TMEM63C: variants seen among roughly 807,000 people sequenced by gnomAD.
TMEM63C encodes the protein transmembrane protein 63C.
TMEM63C carries 32 observed loss-of-function variants against 99.2 expected under a neutral mutation model. The ratio of observed to expected loss-of-function variants is 0.32; its 90% CI spans 0.24 to 0.43. The LOEUF is 0.43. Among genes scored for constraint, TMEM63C ranks in the 20% least tolerant of loss-of-function variants. TMEM63C has a pLI of 1.00. For missense variants in TMEM63C, 826 were observed against 1,053.0 expected, an observed-to-expected ratio of 0.78 and a Z score of 2.98; for synonymous variants, 376 against 397.9, an observed-to-expected ratio of 0.94 and a Z score of 0.66.
At chr14:77,222,263 A>G (rs1232025586) in intron 5 of TMEM63C, among the ~76,000 whole-genome samples, 1 of 152,036 alleles carries the variant, frequency 6.6e-6, no homozygotes, top group African/African-American at 2.4e-5. Context: ...CATTCTCCCC[A>G]GGGTCTCCTC....
intron 1 of TMEM63C, among the ~76,000 whole-genome samples, chr14:77,191,538 C>CTTTTTTTTT (rs71125542): frequency 9.7e-4 from 80 of 82,606 alleles, no homozygotes; most frequent in East Asian, 1.6e-3. Flanking sequence ...TTTTCTTTTT[C>CTTTTTTTTT]TTTTTTTTTT....
At chr14:77,253,627 G>A (rs995908247) in intron 23 of TMEM63C, among the ~76,000 whole-genome samples, 11 of 152,374 alleles carry the variant, frequency 7.2e-5, no homozygotes, top group African/African-American at 2.2e-4. Flanking sequence ...GGCACCTAGA[G>A]AGGAAGTACT....
Position 77,249,221 on chromosome 14 carries a change from G to A in TMEM63C, c.1871-70G>A. On this transcript the variant is annotated intron_variant, in intron 20 of 23. Coordinates refer to ENST00000298351, the MANE Select transcript of TMEM63C (RefSeq NM_020431.4). ...CGTGGATCTGGCTTCTCAGGCCTGT[G>A]GAGACACTGGAGCCACAAAGGTCCA... 3.3e-6 allele frequency: 5 copies of A among 1,520,526 alleles called. 1 individual carries two copies. In the Admixed American group the frequency reaches 8.5e-5, roughly 26 times the overall value. The allele number at this position is 1,520,526 out of a possible 1,614,324, so 94.2% of individuals were successfully genotyped here.
intron 17 of TMEM63C, 55 bp from the exon 18 acceptor site, chr14:77,246,553 TC>T: frequency 6.7e-7 from 1 of 1,503,296 alleles, no homozygotes; most frequent in Non-Finnish European, 9.2e-7. Context: ...GGTTGAACCC[TC>T]AGCCTTAGCT....
At chr14:77,236,487 T>C (rs1275733586) in intron 8 of TMEM63C, 137 bp from the exon 9 acceptor site, 38 of 519,814 alleles carry the variant, frequency 7.3e-5, no homozygotes, top group Middle Eastern at 1.0e-3. Context: ...CTTGGATGGT[T>C]GTGGGGGTCT....
chr14:77,231,144 A>G (rs1318181401), intron 6 of TMEM63C, among the ~76,000 whole-genome samples: 1 of 152,176 alleles, frequency 6.6e-6, no homozygotes, highest in African/African-American at 2.4e-5. Context: ...AACTTTGGCA[A>G]ATCTGGCAGT....
Position 77,231,673 on chromosome 14 carries a change from A to T in TMEM63C, c.436A>T (p.Ile146Phe), listed in dbSNP as rs1888946201. ...CCACCTCATCATCTTTGTGCTCATC[A>T]TCTGTATCCCCTCCCTGGGCATCAT... ...QYHLIIFVLIICIPSLGIILP... is the reference protein window; with the variant it reads ...QYHLIIFVLIFCIPSLGIILP... Residue 146 changes from isoleucine (I) to phenylalanine (F), a missense_variant, in exon 7 of 24, where the codon ATC becomes TTC. Ile to Phe is a conservative substitution (Grantham distance 21). Transcript: ENST00000298351. 6.4e-7 allele frequency: 1 copy of T among 1,551,550 alleles called. No homozygotes were observed. Among genetic ancestry groups the T allele is most frequent in the Non-Finnish European group, 8.7e-7 (1 of 1,147,006 alleles).
At position 77,256,512 on chromosome 14, in the gene TMEM63C, T is replaced by G. The variant is rs368170155; in HGVS notation, c.2221-14T>G. 6.2e-7 allele frequency: 1 copy of G among 1,613,788 alleles called. No individual in the cohort carries two copies. Reference sequence around the variant, plus strand: ...CGTGACCTTGCTCCTGTCCCCTGTCTCTATCCCAAGCAGCTGTATGTGGCC... The same window carrying G: ...CGTGACCTTGCTCCTGTCCCCTGTCGCTATCCCAAGCAGCTGTATGTGGCC... On this transcript the variant is annotated splice_polypyrimidine_tract_variant and intron_variant, in intron 23 of 23. Coordinates refer to ENST00000298351, the MANE Select transcript of TMEM63C (RefSeq NM_020431.4).
intron 1 of TMEM63C, among the ~76,000 whole-genome samples, chr14:77,186,871 C>T (rs965776505): frequency 6.9e-6 from 1 of 144,886 alleles, no homozygotes; most frequent in Non-Finnish European, 1.5e-5. Flanking sequence ...ATACAATGAG[C>T]AAGCTGTTGC....
intron 2 of TMEM63C, among the ~76,000 whole-genome samples, chr14:77,217,430 A>G (rs904984363): frequency 6.6e-6 from 1 of 152,178 alleles, no homozygotes; most frequent in African/African-American, 2.4e-5. Context: ...AGAATCCCAC[A>G]AGGGAGGGAT....
intron 7 of TMEM63C, among the ~76,000 whole-genome samples, chr14:77,233,137 T>C (rs1332279012): frequency 6.6e-6 from 1 of 152,228 alleles, no homozygotes; most frequent in Non-Finnish European, 1.5e-5. Flanking sequence ...ATTTCATCAT[T>C]CTGCTCGTGG....
intron 18 of TMEM63C, 127 bp downstream of exon 18, chr14:77,246,801 C>T (rs1889276047): frequency 6.9e-6 from 5 of 722,368 alleles, no homozygotes; most frequent in Non-Finnish European, 6.9e-6. Context: ...TGAACACCCT[C>T]ACTGGGCAGA....
At chr14:77,252,085 G>T (rs114931759) in intron 22 of TMEM63C, among the ~76,000 whole-genome samples, 187 bp downstream of exon 22, 1 of 145,734 alleles carries the variant, frequency 6.9e-6, no homozygotes, top group Admixed American at 6.8e-5. Flanking sequence ...GCGTGCATGC[G>T]TGCATGCCTT....
intron 1 of TMEM63C, among the ~76,000 whole-genome samples, chr14:77,203,705 G>A (rs7147670): frequency 0.096 from 14,699 of 152,362 alleles, 1,058 homozygotes; most frequent in African/African-American, 0.21. Flanking sequence ...GCCCAGAGCA[G>A]GTGTTCAGTG....
At chr14:77,223,677 C>CAG (rs148410431) in intron 5 of TMEM63C, among the ~76,000 whole-genome samples, 2 of 139,654 alleles carry the variant, frequency 1.4e-5, no homozygotes, top group African/African-American at 5.3e-5. Context: ...ATGAGAGAGA[C>CAG]AGAGAGAGAG....
chr14:77,225,733 A>G (rs183786650), intron 6 of TMEM63C, among the ~76,000 whole-genome samples: 1 of 152,302 alleles, frequency 6.6e-6, no homozygotes, highest in East Asian at 1.9e-4. Flanking sequence ...GCGTGCTTAT[A>G]GAAATGCTTC....
intron 1 of TMEM63C, among the ~76,000 whole-genome samples, chr14:77,195,488 T>C (rs1888199327): frequency 6.6e-6 from 1 of 152,212 alleles, no homozygotes; most frequent in African/African-American, 2.4e-5. Context: ...CTTGTTAAAA[T>C]GCAGGTTCCC....
chr14:77,243,193 G>C, intron 15 of TMEM63C, 137 bp downstream of exon 15: 2 of 1,072,612 alleles, frequency 1.9e-6, no homozygotes, highest in Non-Finnish European at 2.6e-6. Context: ...GGTGGCCATG[G>C]TGCAAATGGC....
intron 23 of TMEM63C, among the ~76,000 whole-genome samples, chr14:77,254,121 G>A (rs1310026355): frequency 6.6e-6 from 1 of 152,228 alleles, no homozygotes; most frequent in Admixed American, 6.5e-5. Context: ...GGGCATACGG[G>A]GTGCCAGGTG....
Sources: allele counts gnomAD v4.1 joint callset (sites outside exome capture counted in the v4.1 genomes callset), GRCh38; gene constraint gnomAD v4.1.1; transcripts MANE v1.5; gene names NCBI Gene and HGNC (gene_info 2026-07-23, HGNC 2026-07-21).